Variants in CLIP2 observed in about 807,000 individuals in gnomAD.
CLIP2 encodes the protein CAP-Gly domain containing linker protein 2.
Under a neutral mutation model 111.7 loss-of-function variants are expected in CLIP2, and 41 were observed. The observed-to-expected ratio is 0.37, with a 90% confidence interval of 0.29 to 0.48. The LOEUF (loss-of-function observed/expected upper bound fraction) is 0.48, where lower values mean the gene tolerates loss of function less well. CLIP2 is among the 20% of genes least tolerant of loss of function. CLIP2 has a pLI of 0.99. For missense variants in CLIP2, 1,160 were observed against 1,422.1 expected, an observed-to-expected ratio of 0.82 and a Z score of 2.96; for synonymous variants, 660 against 644.2, an observed-to-expected ratio of 1.02 and a Z score of -0.37.
chr7:74,357,499 G>C, intron 6 of CLIP2, 22 bp downstream of exon 6: 1 of 1,596,380 alleles, frequency 6.3e-7, no homozygotes. Context: ...GTGGGGCTGG[G>C]GGCAGAGCTT....
intron 2 of CLIP2, among the ~76,000 whole-genome samples, chr7:74,321,498 C>A (rs1361766845): frequency 2.0e-5 from 3 of 151,984 alleles, no homozygotes; most frequent in Non-Finnish European, 2.9e-5. Flanking sequence ...GAGATACAGT[C>A]TCGCTCTGTC....
rs904011983 is a variant in CLIP2 at position 74,404,022 on chromosome 7, A to G, written c.*174A>G. The G allele has an allele frequency of 3.4e-5, 24 of 709,104 alleles. No homozygotes were observed. The African/African-American group carries it at 4.2e-4, about 12-fold the overall frequency. 43.9% of individuals were successfully genotyped at this position (709,104 alleles called of 1,614,324 possible). On this transcript the variant is annotated 3_prime_UTR_variant, in exon 17 of 17. Coordinates refer to ENST00000223398, the MANE Select transcript of CLIP2 (RefSeq NM_003388.5). ...CCCCACCCCGATCCCTCGCCAGACC[A>G]GGACGCTTCCTCAAGCCCAGCCTTC...
At chr7:74,368,517 A>AAAATAAAT (rs1175540613) in intron 8 of CLIP2, among the ~76,000 whole-genome samples, 2 of 151,412 alleles carry the variant, frequency 1.3e-5, no homozygotes, top group South Asian at 2.1e-4. Context: ...ACTCCATCTC[A>AAAATAAAT]AAATAAATAA....
intron 16 of CLIP2, 34 bp downstream of exon 16, chr7:74,401,601 C>G (rs782420875): frequency 6.3e-7 from 1 of 1,598,714 alleles, no homozygotes; most frequent in East Asian, 2.2e-5. Flanking sequence ...AGGTCCCTCC[C>G]GTGCAGGCAG....
chr7:74,365,292 A>T (rs1790447934), intron 8 of CLIP2, among the ~76,000 whole-genome samples: 1 of 152,142 alleles, frequency 6.6e-6, no homozygotes, highest in South Asian at 2.1e-4. Flanking sequence ...ATGGGGGCTT[A>T]CTGAAGGGCT....
At chr7:74,319,017 G>A (rs1455492884) in intron 2 of CLIP2, among the ~76,000 whole-genome samples, 2 of 152,156 alleles carry the variant, frequency 1.3e-5, no homozygotes, top group African/African-American at 4.8e-5. Flanking sequence ...GGTGAGGCCC[G>A]TCGGCAGAAG....
intron 1 of CLIP2, among the ~76,000 whole-genome samples, chr7:74,292,348 GA>G (rs1788047926): frequency 6.6e-6 from 1 of 151,126 alleles, no homozygotes; most frequent in East Asian, 1.9e-4. Flanking sequence ...TGTGCAGGTT[GA>G]AAAAAAAAGT....
At chr7:74,301,232 T>G (rs1022523803) in intron 1 of CLIP2, among the ~76,000 whole-genome samples, 1 of 152,230 alleles carries the variant, frequency 6.6e-6, no homozygotes, top group African/African-American at 2.4e-5. Flanking sequence ...TGTCTTCTTT[T>G]GTGTGCACTC....
At position 74,401,553 on chromosome 7, in the gene CLIP2, G is replaced by A. The variant is rs1791620895; in HGVS notation, c.3115G>A (p.Ala1039Thr). Reference protein sequence around the residue: ...SANGIHQQDKAQKQEDKH With the variant: ...SANGIHQQDKTQKQEDKH ...AAACGGCATCCACCAGCAGGACAAA[G>A]CTCAGAAACAAGAGGTGAGGGGCGC... is the stretch of plus-strand genomic sequence containing the variant. Residue 1039 changes from alanine to threonine, a missense_variant, in exon 16 of 17, where the codon GCT becomes ACT. Physicochemically the swap from Ala to Thr is moderately conservative, Grantham distance 58 (BLOSUM62 0). Around this residue, in one of 5 missense-constraint regions of CLIP2, gnomAD observed 676 missense variants for 777.8 expected, o/e 0.87. Transcript: ENST00000223398. 3 of 1,614,022 alleles carry A rather than the reference G, an allele frequency of 1.9e-6. No homozygotes were observed. The highest frequency in any genetic ancestry group is 2.2e-5 in the East Asian group (1 of 44,872).
At chr7:74,385,601 C>T (rs1791066937) in intron 11 of CLIP2, among the ~76,000 whole-genome samples, 1 of 151,910 alleles carries the variant, frequency 6.6e-6, no homozygotes, top group African/African-American at 2.4e-5. Context: ...CTGTGAGGAG[C>T]ACCCAGGCTT....
intron 8 of CLIP2, among the ~76,000 whole-genome samples, chr7:74,365,856 G>A (rs1554310761): frequency 6.6e-6 from 1 of 152,068 alleles, no homozygotes; most frequent in East Asian, 1.9e-4. Flanking sequence ...CTGGGCTCAA[G>A]TGATGCTTTG....
At chr7:74,295,022 G>T (rs1288163716) in intron 1 of CLIP2, among the ~76,000 whole-genome samples, 1 of 152,086 alleles carries the variant, frequency 6.6e-6, no homozygotes. Context: ...GTGCAGTGGC[G>T]TGATCTCGGC....
intron 8 of CLIP2, among the ~76,000 whole-genome samples, chr7:74,368,927 A>C (rs1388286974): frequency 2.0e-5 from 3 of 152,154 alleles, no homozygotes; most frequent in Non-Finnish European, 4.4e-5. Context: ...TAAAATGTAA[A>C]TCAGGCCGGG....
chr7:74,352,787 T>C (rs1238905654), intron 3 of CLIP2, among the ~76,000 whole-genome samples: 5 of 152,008 alleles, frequency 3.3e-5, no homozygotes, highest in African/African-American at 9.6e-5. Flanking sequence ...GACAGGAGGA[T>C]TGCTTGAAGC....
chr7:74,360,134 G>A (rs371915307), intron 6 of CLIP2, 41 bp from the exon 7 acceptor site: 60 of 1,518,666 alleles, frequency 4.0e-5, no homozygotes, highest in African/African-American at 5.5e-5. Context: ...CCCATACCCC[G>A]GAGCATGCTG....
intron 3 of CLIP2, among the ~76,000 whole-genome samples, chr7:74,346,731 A>C (rs1158273819): frequency 6.5e-5 from 9 of 138,978 alleles, no homozygotes; most frequent in African/African-American, 2.0e-4. Flanking sequence ...AAAAAAAAAA[A>C]AAAAAAAAAA....
intron 16 of CLIP2, among the ~76,000 whole-genome samples, chr7:74,402,297 T>TC (rs1791644107): frequency 7.6e-6 from 1 of 130,900 alleles, no homozygotes; most frequent in Non-Finnish European, 1.5e-5. Context: ...GCCACTGGAC[T>TC]CCAGCCTGGG....
intron 13 of CLIP2, among the ~76,000 whole-genome samples, chr7:74,393,034 CTTTTTT>C (rs532112634): frequency 8.3e-6 from 1 of 121,002 alleles, no homozygotes; most frequent in Non-Finnish European, 1.8e-5. Flanking sequence ...TAAGCATTTG[CTTTTTT>C]TTTTTTTTTT....
intron 3 of CLIP2, among the ~76,000 whole-genome samples, chr7:74,352,319 CTCAGCTAA>C (rs1790026960): frequency 6.6e-6 from 1 of 152,044 alleles, no homozygotes; most frequent in South Asian, 2.1e-4. Context: ...TGCCTGTAGT[CTCAGCTAA>C]TCAGGAGGCT....
Sources: allele counts gnomAD v4.1 joint callset (sites outside exome capture counted in the v4.1 genomes callset), GRCh38; gene constraint gnomAD v4.1.1; regional missense constraint gnomAD v4.1.1; transcripts MANE v1.5; gene names NCBI Gene and HGNC (gene_info 2026-07-23, HGNC 2026-07-21).